Variants in SRGAP1 observed in about 807,000 individuals in gnomAD.
The protein encoded by SRGAP1 is SLIT-ROBO Rho GTPase-activating protein 1.
A neutral mutation model predicts 121.9 loss-of-function variants in SRGAP1; 43 were observed. The ratio of observed to expected loss-of-function variants is 0.35; its 90% CI spans 0.28 to 0.46. The LOEUF (loss-of-function observed/expected upper bound fraction) is 0.46. Ranked by LOEUF, SRGAP1 falls within the 20% of genes least tolerant of loss-of-function variation. The pLI is 1.00. For missense variants in SRGAP1, 1,102 were observed against 1,350.9 expected (o/e 0.82, Z 2.89); for synonymous variants, 447 against 485.4 (o/e 0.92, Z 1.04).
chr12:63,929,925 C>T (rs2031407229), intron 1 of SRGAP1, among the ~76,000 whole-genome samples: 1 of 151,744 alleles, frequency 6.6e-6, no homozygotes, highest in South Asian at 2.1e-4. Context: ...TTTATGCAGG[C>T]AACAAACAGA....
At chr12:64,032,315 G>C in intron 4 of SRGAP1, 1 of 346,684 alleles carries the variant, frequency 2.9e-6, no homozygotes, top group Non-Finnish European at 5.6e-6. Context: ...GGGCAGGCCA[G>C]TTGGCGTTTC....
chr12:63,943,505 G>C (rs189511743), intron 1 of SRGAP1, among the ~76,000 whole-genome samples: 1 of 152,184 alleles, frequency 6.6e-6, no homozygotes. Flanking sequence ...GAGGCAAAGG[G>C]AAGTTAAATA....
intron 1 of SRGAP1, among the ~76,000 whole-genome samples, chr12:63,921,459 T>C (rs1470786917): frequency 6.6e-6 from 1 of 152,196 alleles, no homozygotes; most frequent in Non-Finnish European, 1.5e-5. Context: ...TCTCTGGGCA[T>C]CTCTTTGTTT....
At chr12:64,138,935 A>G (rs940386007) in intron 21 of SRGAP1, among the ~76,000 whole-genome samples, 2 of 152,206 alleles carry the variant, frequency 1.3e-5, no homozygotes, top group African/African-American at 4.8e-5. Context: ...ATACTGTTCC[A>G]ATCAAAACAA....
intron 1 of SRGAP1, among the ~76,000 whole-genome samples, chr12:63,899,069 T>G (rs556228966): frequency 3.2e-4 from 48 of 152,284 alleles, no homozygotes; most frequent in Non-Finnish European, 6.0e-4. Flanking sequence ...GAATGAAGTT[T>G]ACCTTCTCAA....
At chr12:63,958,030 A>G (rs1314861621) in intron 1 of SRGAP1, among the ~76,000 whole-genome samples, 2 of 151,790 alleles carry the variant, frequency 1.3e-5, no homozygotes, top group African/African-American at 4.8e-5. Flanking sequence ...TTGAGTACCT[A>G]TCTGAAGTCT....
Position 64,065,220 on chromosome 12 carries a change from G to T in SRGAP1, c.1125+1G>T, listed in dbSNP as rs1191124059. 1 of 1,610,250 alleles carries T rather than the reference G, an allele frequency of 6.2e-7. No individual in the cohort carries two copies. Among genetic ancestry groups the T allele is most frequent in the Non-Finnish European group, 8.5e-7 (1 of 1,178,256 alleles). On this transcript the variant is annotated splice_donor_variant, in intron 8 of 21. Transcript: ENST00000355086. LOFTEE classifies it high-confidence loss of function. The stretch of plus-strand genomic sequence containing the variant: ...CACGCTCAAAATCGAGAATGAAGAG[G>T]TGAGCATGCGTTCGTCCTGCCACAC...
At chr12:64,035,943 C>T (rs2034893997) in intron 4 of SRGAP1, among the ~76,000 whole-genome samples, 1 of 152,206 alleles carries the variant, frequency 6.6e-6, no homozygotes, top group Non-Finnish European at 1.5e-5. Context: ...TGTGTGCTTA[C>T]ATTCTGTCAT....
Position 64,161,582 on chromosome 12 carries a change from T to C in SRGAP1, c.*18910T>C, listed in dbSNP as rs1035258446. The C allele has an allele frequency of 5.3e-5, 8 of 152,200 alleles. No individual in the cohort carries two copies. The highest frequency in any genetic ancestry group is 3.9e-4 in the Admixed American group (6 of 15,276). 9.4% of individuals were successfully genotyped at this position (152,200 alleles called of 1,614,324 possible). A position where few individuals can be genotyped will look rare whatever the true frequency, so the allele number is the denominator to read the frequency against. ...TTTTTTATTTTGAGATTATTAGTGA[T>C]AGTTCTTCTAAGTTTTCTTCTCTCT... On this transcript the variant is annotated 3_prime_UTR_variant, in exon 22 of 22. Coordinates refer to ENST00000355086, the MANE Select transcript of SRGAP1 (RefSeq NM_020762.4).
At chr12:64,016,127 G>C (rs547022363) in intron 3 of SRGAP1, among the ~76,000 whole-genome samples, 42 of 152,192 alleles carry the variant, frequency 2.8e-4, no homozygotes, top group African/African-American at 1.0e-3. Flanking sequence ...TGGACCTTGA[G>C]TGGACTTACC....
At position 64,149,674 on chromosome 12, in the gene SRGAP1, A is replaced by G. The variant is rs1055534166; in HGVS notation, c.*7002A>G. On this transcript the variant is annotated 3_prime_UTR_variant, in exon 22 of 22. Transcript: ENST00000355086. Reference sequence around the variant, plus strand: ...CACCCTGTAAGAATCTTAGAAAGGCAGAGCAAGGGTGTTTGCTGGCTTCTG... The same window carrying G: ...CACCCTGTAAGAATCTTAGAAAGGCGGAGCAAGGGTGTTTGCTGGCTTCTG... The G allele has an allele frequency of 6.6e-6, 1 of 152,334 alleles. No homozygotes were observed. The highest frequency in any genetic ancestry group is 6.5e-5 in the Admixed American group (1 of 15,306). The allele number at this position is 152,334 out of a possible 1,614,324, so 9.4% of individuals were successfully genotyped here. A position where few individuals can be genotyped will look rare whatever the true frequency, so the allele number is the denominator to read the frequency against.
chr12:64,131,216 G>A (rs775568772), intron 21 of SRGAP1, among the ~76,000 whole-genome samples: 37 of 152,282 alleles, frequency 2.4e-4, no homozygotes, highest in Middle Eastern at 3.4e-3. Flanking sequence ...GAGGTCACCC[G>A]TTGGTGAGTA....
chr12:64,120,139 A>G (rs558678766), intron 18 of SRGAP1, among the ~76,000 whole-genome samples: 16 of 152,102 alleles, frequency 1.1e-4, no homozygotes, highest in African/African-American at 3.9e-4. Flanking sequence ...ATCATTTTTT[A>G]TAGTCTCTGG....
chr12:63,896,958 A>G (rs2136302206), intron 1 of SRGAP1, among the ~76,000 whole-genome samples: 1 of 152,332 alleles, frequency 6.6e-6, no homozygotes, highest in South Asian at 2.1e-4. Context: ...AATTTATTTG[A>G]TCAGAGAACC....
chr12:63,893,987 C>T (rs760186057), intron 1 of SRGAP1, among the ~76,000 whole-genome samples: 7 of 152,144 alleles, frequency 4.6e-5, no homozygotes, highest in Admixed American at 6.5e-5. Context: ...TACAGGCATC[C>T]GCCACCACAC....
At chr12:64,132,865 T>A (rs1229169694) in intron 21 of SRGAP1, among the ~76,000 whole-genome samples, 3 of 152,266 alleles carry the variant, frequency 2.0e-5, no homozygotes, top group Non-Finnish European at 4.4e-5. Context: ...AAAGGTATAT[T>A]GCTGGCCTTG....
At chr12:63,878,431 C>T (rs1412291013) in intron 1 of SRGAP1, among the ~76,000 whole-genome samples, 3 of 152,142 alleles carry the variant, frequency 2.0e-5, no homozygotes, top group African/African-American at 2.4e-5. Context: ...AGAGTATGTT[C>T]GCATCTTTTT....
At chr12:64,044,674 C>CTTTTTTTGTTTTTTTTTTTTTTTTTTTTT (rs2035090338) in intron 6 of SRGAP1, among the ~76,000 whole-genome samples, 1 of 72,118 alleles carries the variant, frequency 1.4e-5, no homozygotes, top group Non-Finnish European at 2.9e-5. Flanking sequence ...TGATGTGCCT[C>CTTTTTTTGTTTTTTTTTTTTTTTTTTTTT]TTTTTTTTTT....
At chr12:64,002,741 A>G (rs2033940705) in intron 3 of SRGAP1, among the ~76,000 whole-genome samples, 1 of 152,160 alleles carries the variant, frequency 6.6e-6, no homozygotes, top group South Asian at 2.1e-4. Flanking sequence ...GTTGGAAACA[A>G]TTAACAATAG....
Sources: gnomAD v4.1 joint callset for allele counts (sites outside exome capture counted in the v4.1 genomes callset) on GRCh38, gnomAD v4.1.1 for gene constraint, MANE v1.5 for transcripts, NCBI Gene and HGNC (gene_info 2026-07-23, HGNC 2026-07-21) for gene names.